The following COX7B2 variants were observed in gnomAD, a reference collection of about 807,000 sequenced individuals.
COX7B2 encodes cytochrome c oxidase subunit 7B2, mitochondrial.
For missense variants in COX7B2, 109 were observed against 95.9 expected, an observed-to-expected ratio of 1.14 and a Z score of -0.57; for synonymous variants, 37 against 32.1, an observed-to-expected ratio of 1.15 and a Z score of -0.51.
intron 2 of COX7B2, among the ~76,000 whole-genome samples, chr4:46,799,136 T>C (rs533491083): frequency 8.7e-4 from 132 of 152,260 alleles, no homozygotes; most frequent in African/African-American, 2.9e-3. Flanking sequence ...GTGAATGAGA[T>C]TGCATTCTTC....
At chr4:46,755,912 A>C (rs58183027) in intron 2 of COX7B2, among the ~76,000 whole-genome samples, 49,706 of 151,926 alleles carry the variant, frequency 0.33, 8,392 homozygotes, top group South Asian at 0.47. Flanking sequence ...AGTCAATGCA[A>C]TCCTTATCAA....
intron 2 of COX7B2, among the ~76,000 whole-genome samples, chr4:46,764,425 A>T (rs563908206): frequency 6.6e-6 from 1 of 151,986 alleles, no homozygotes; most frequent in Non-Finnish European, 1.5e-5. Context: ...GGTGCCTGTA[A>T]TCCCAGCTAC....
At chr4:46,905,726 G>T (rs560119095) in intron 1 of COX7B2, among the ~76,000 whole-genome samples, 2 of 150,372 alleles carry the variant, frequency 1.3e-5, no homozygotes, top group African/African-American at 4.9e-5. Flanking sequence ...TTCCCTCTCT[G>T]AGCCCTCAGT....
intron 1 of COX7B2, among the ~76,000 whole-genome samples, chr4:46,855,255 G>A (rs1388321589): frequency 6.6e-6 from 1 of 151,878 alleles, no homozygotes; most frequent in Non-Finnish European, 1.5e-5. Flanking sequence ...GAACCCAGGA[G>A]GCAGATTTTG....
At position 46,905,845 on chromosome 4, in the gene COX7B2, C is replaced by T. The variant is rs564576815; in HGVS notation, c.-105+3315G>A. 1.6e-3 allele frequency among the ~76,000 whole-genome samples: 82 copies of T among 51,812 alleles called. No homozygotes were observed. In the East Asian group the frequency reaches 0.041, roughly 26 times the overall value. 34.0% of individuals were successfully genotyped at this position (51,812 alleles called of 152,430 possible). ...TTTTTTTTTTTTTTTTTTTTTGAGA[C>T]GGAGTCTCGCTCTGTCGCCCAGGCC... On this transcript the variant is annotated intron_variant, in intron 1 of 2. Coordinates refer to ENST00000355591, the MANE Select transcript of COX7B2 (RefSeq NM_130902.3).
intron 2 of COX7B2, among the ~76,000 whole-genome samples, chr4:46,812,531 T>C (rs1177386090): frequency 6.6e-6 from 1 of 151,838 alleles, no homozygotes; most frequent in Admixed American, 6.6e-5. Context: ...GACATAGGAG[T>C]ATCCCAGACT....
chr4:46,761,131 C>G (rs149451899), intron 2 of COX7B2, among the ~76,000 whole-genome samples: 449 of 152,264 alleles, frequency 2.9e-3, no homozygotes, highest in Middle Eastern at 0.01. Context: ...TAAGCATTCT[C>G]TTGGTAGGAC....
At chr4:46,740,634 G>C (rs1577645664) in intron 2 of COX7B2, among the ~76,000 whole-genome samples, 1 of 152,134 alleles carries the variant, frequency 6.6e-6, no homozygotes, top group South Asian at 2.1e-4. Flanking sequence ...AAAATGGATG[G>C]AGAGATGACA....
intron 1 of COX7B2, among the ~76,000 whole-genome samples, chr4:46,903,556 T>C (rs1024586222): frequency 2.0e-5 from 3 of 152,158 alleles, no homozygotes; most frequent in Non-Finnish European, 4.4e-5. Context: ...TCACATTTAC[T>C]CACTACTCAC....
At chr4:46,803,732 CTTTTTTTTTTT>C (rs5858039) in intron 2 of COX7B2, among the ~76,000 whole-genome samples, 5 of 123,288 alleles carry the variant, frequency 4.1e-5, no homozygotes, top group Non-Finnish European at 8.4e-5. Context: ...GGTTTACTTT[CTTTTTTTTTTT>C]TTTTTTTTTA....
At chr4:46,845,656 G>GA in intron 1 of COX7B2, among the ~76,000 whole-genome samples, 1 of 151,868 alleles carries the variant, frequency 6.6e-6, no homozygotes, top group Admixed American at 6.6e-5. Context: ...TAGGGACACA[G>GA]AAAAAAAGAG....
intron 1 of COX7B2, among the ~76,000 whole-genome samples, chr4:46,898,494 C>T (rs935143678): frequency 2.0e-4 from 30 of 152,024 alleles, no homozygotes; most frequent in African/African-American, 5.1e-4. Context: ...CATGGCTCAC[C>T]GCAACCTCAT....
At chr4:46,753,068 G>T (rs898971872) in intron 2 of COX7B2, among the ~76,000 whole-genome samples, 5 of 152,108 alleles carry the variant, frequency 3.3e-5, no homozygotes, top group African/African-American at 1.2e-4. Flanking sequence ...TGGTTGGTAA[G>T]CTATTAATTA....
At chr4:46,817,393 T>C (rs1253759551) in intron 2 of COX7B2, among the ~76,000 whole-genome samples, 6 of 152,170 alleles carry the variant, frequency 3.9e-5, no homozygotes. Context: ...ACAAGGTCAA[T>C]AGAAAAGCCG....
At chr4:46,778,969 A>C (rs945906091) in intron 2 of COX7B2, among the ~76,000 whole-genome samples, 2 of 152,160 alleles carry the variant, frequency 1.3e-5, no homozygotes, top group Admixed American at 6.5e-5. Context: ...AACAAATGTT[A>C]GTTGTTATTC....
chr4:46,782,857 C>G (rs1184748869), intron 2 of COX7B2, among the ~76,000 whole-genome samples: 3 of 152,092 alleles, frequency 2.0e-5, no homozygotes, highest in Non-Finnish European at 4.4e-5. Context: ...AAACTCCGGA[C>G]ACATCTGAAC....
chr4:46,748,902 C>G (rs1186582209), intron 2 of COX7B2, among the ~76,000 whole-genome samples: 1 of 152,090 alleles, frequency 6.6e-6, no homozygotes, highest in East Asian at 1.9e-4. Context: ...TTGTCATGGG[C>G]AATTAGATGA....
intron 1 of COX7B2, among the ~76,000 whole-genome samples, chr4:46,851,753 TTA>T (rs1716702220): frequency 6.6e-6 from 1 of 152,138 alleles, no homozygotes; most frequent in African/African-American, 2.4e-5. Context: ...GTCCTTCCAT[TTA>T]TGTTTGTCTA....
intron 1 of COX7B2, among the ~76,000 whole-genome samples, chr4:46,887,306 G>T (rs912529369): frequency 6.6e-6 from 1 of 152,192 alleles, no homozygotes; most frequent in South Asian, 2.1e-4. Flanking sequence ...TTTGACAACT[G>T]TGAGAAAACA....
Sources: gnomAD v4.1 joint callset for allele counts (sites outside exome capture counted in the v4.1 genomes callset) on GRCh38, gnomAD v4.1.1 for gene constraint, MANE v1.5 for transcripts, NCBI Gene and HGNC (gene_info 2026-07-23, HGNC 2026-07-21) for gene names.